TBC1D19: variants seen among roughly 807,000 people sequenced by gnomAD.
The protein encoded by TBC1D19 is TBC1 domain family, member 19.
In TBC1D19, 60 loss-of-function variants were observed where a neutral mutation model predicts 89.0. The observed-to-expected ratio is 0.67, with a 90% confidence interval of 0.55 to 0.84. The LOEUF (loss-of-function observed/expected upper bound fraction) is 0.84, where lower values mean the gene tolerates loss of function less well. TBC1D19 is among the 40% of genes least tolerant of loss of function. TBC1D19 has a pLI of 0.00. For synonymous variants in TBC1D19, 189 were observed against 199.7 expected (o/e 0.95, Z 0.45); for missense variants, 500 against 610.8 (o/e 0.82, Z 1.91).
At chr4:26,852,328 A>C in the TBC1D19 span, among the ~76,000 whole-genome samples, 3 of 152,140 alleles carry the variant, frequency 2.0e-5, no homozygotes, top group Admixed American at 6.5e-5. Context: ...CCAAGGCGGG[A>C]GGATTAGTTG....
chr4:26,781,925 A>T, the TBC1D19 span, among the ~76,000 whole-genome samples: 1 of 31,038 alleles, frequency 3.2e-5, no homozygotes, highest in Non-Finnish European at 5.9e-5. Flanking sequence ...TGTTACATTG[A>T]TATCTGCTTA....
chr4:26,584,016 T>C (rs905334103), upstream of TBC1D19: 1 of 619,578 alleles, frequency 1.6e-6, no homozygotes, highest in African/African-American at 1.9e-5. Flanking sequence ...CTTCAGGCGC[T>C]GAGGGGACCA....
At chr4:26,795,963 C>G in the TBC1D19 span, among the ~76,000 whole-genome samples, 364 of 152,212 alleles carry the variant, frequency 2.4e-3, 2 homozygotes, top group African/African-American at 8.2e-3. Context: ...GATATGAGTA[C>G]AAAAATCTTT....
chr4:26,728,682 TA>T (rs1478605331), intron 15 of TBC1D19, among the ~76,000 whole-genome samples: 1 of 152,220 alleles, frequency 6.6e-6, no homozygotes, highest in Non-Finnish European at 1.5e-5. Context: ...TTAATTTTTT[TA>T]GTTTCTAGAA....
intron 8 of TBC1D19, among the ~76,000 whole-genome samples, chr4:26,665,456 TA>T (rs952354210): frequency 4.3e-4 from 65 of 152,216 alleles, no homozygotes; most frequent in African/African-American, 1.5e-3. Flanking sequence ...ACTTTGGGCA[TA>T]AAAATGTGAA....
rs1719254731 is a variant in TBC1D19 at position 26,756,177 on chromosome 4, C to T, written c.*1230C>T. Among the ~76,000 whole-genome samples, 1 of 152,086 alleles carries T rather than the reference C, an allele frequency of 6.6e-6. No homozygotes were observed. Among genetic ancestry groups the T allele is most frequent in the Non-Finnish European group, 1.5e-5 (1 of 68,012 alleles). Reference sequence around the variant, plus strand: ...ACTAAGAGCTGAATAATAATTTATTCCATGATTGATTCTTAATAAACCCCA... The same window carrying T: ...ACTAAGAGCTGAATAATAATTTATTTCATGATTGATTCTTAATAAACCCCA... On this transcript the variant is annotated 3_prime_UTR_variant, in exon 21 of 21. Coordinates refer to ENST00000264866, the MANE Select transcript of TBC1D19 (RefSeq NM_018317.4).
At chr4:26,768,341 T>G in the TBC1D19 span, among the ~76,000 whole-genome samples, 1 of 152,194 alleles carries the variant, frequency 6.6e-6, no homozygotes, top group African/African-American at 2.4e-5. Context: ...GAGGATTAAA[T>G]GACTGCCAAG....
chr4:26,651,640 C>T (rs1244057284), intron 7 of TBC1D19, among the ~76,000 whole-genome samples: 1 of 152,168 alleles, frequency 6.6e-6, no homozygotes, highest in Non-Finnish European at 1.5e-5. Context: ...TCTAGATATA[C>T]AATCATGACA....
At chr4:26,857,836 GC>G in the TBC1D19 span, 4 of 152,462 alleles carry the variant, frequency 2.6e-5, no homozygotes, top group African/African-American at 9.6e-5. Flanking sequence ...GGGCAGGCTT[GC>G]CTCTGGGATG....
chr4:26,627,665 T>G (rs1204229169), intron 4 of TBC1D19, among the ~76,000 whole-genome samples: 6 of 152,004 alleles, frequency 3.9e-5, no homozygotes, highest in African/African-American at 1.4e-4. Flanking sequence ...TTTTCATGTG[T>G]TTTTTGGCTG....
chr4:26,587,131 A>G (rs1739464324), intron 1 of TBC1D19, among the ~76,000 whole-genome samples: 2 of 152,234 alleles, frequency 1.3e-5, no homozygotes, highest in Non-Finnish European at 2.9e-5. Flanking sequence ...TCATGTTGAT[A>G]TGATGAATAA....
At chr4:26,818,511 C>T in the TBC1D19 span, among the ~76,000 whole-genome samples, 35 of 152,270 alleles carry the variant, frequency 2.3e-4, no homozygotes, top group East Asian at 4.1e-3. Flanking sequence ...CTGCCTTGGC[C>T]TCCCAAAGTG....
chr4:26,674,111 G>T (rs892792977), intron 11 of TBC1D19, among the ~76,000 whole-genome samples: 3 of 151,966 alleles, frequency 2.0e-5, no homozygotes. Context: ...TTAATGAAAT[G>T]GTGTGACCTT....
chr4:26,589,921 C>T (rs1739655582), intron 1 of TBC1D19, among the ~76,000 whole-genome samples: 1 of 152,156 alleles, frequency 6.6e-6, no homozygotes, highest in African/African-American at 2.4e-5. Context: ...ACACCTGTGC[C>T]ACCAGAGTGC....
chr4:26,793,908 T>G, the TBC1D19 span, among the ~76,000 whole-genome samples: 1 of 152,186 alleles, frequency 6.6e-6, no homozygotes, highest in African/African-American at 2.4e-5. Context: ...TTTCCAATAG[T>G]TCTAGCAAAT....
At chr4:26,842,663 T>C in the TBC1D19 span, among the ~76,000 whole-genome samples, 2 of 145,884 alleles carry the variant, frequency 1.4e-5, no homozygotes, top group Non-Finnish European at 3.0e-5. Context: ...TCTTCTTTCC[T>C]TTCTTTCTCT....
At chr4:26,584,384 T>C (rs1739280472) in intron 1 of TBC1D19, 92 bp downstream of exon 1, 1 of 1,187,242 alleles carries the variant, frequency 8.4e-7, no homozygotes, top group Admixed American at 2.0e-5. Flanking sequence ...AGCTCGCCTC[T>C]GACCTCTCCA....
chr4:26,639,352 G>A (rs951242995), intron 6 of TBC1D19, among the ~76,000 whole-genome samples: 5 of 151,984 alleles, frequency 3.3e-5, no homozygotes, highest in Admixed American at 6.6e-5. Context: ...GAGCCACTGC[G>A]CCTGGCCTTA....
the TBC1D19 span, among the ~76,000 whole-genome samples, chr4:26,773,365 G>A: frequency 8.5e-5 from 13 of 152,216 alleles, no homozygotes; most frequent in East Asian, 2.5e-3. Flanking sequence ...CTGGATATTA[G>A]ACCTTTGTCA....
Sources: allele counts gnomAD v4.1 joint callset (sites outside exome capture counted in the v4.1 genomes callset), GRCh38; gene constraint gnomAD v4.1.1; transcripts MANE v1.5; gene names NCBI Gene and HGNC (gene_info 2026-07-23, HGNC 2026-07-21).